Variants in GNAQ observed in about 807,000 individuals in gnomAD.
GNAQ encodes guanine nucleotide-binding protein G(q) subunit alpha.
A neutral mutation model predicts 43.9 loss-of-function variants in GNAQ; 8 were observed. The observed-to-expected ratio is 0.18, with a 90% CI of 0.11 to 0.33. The LOEUF (loss-of-function observed/expected upper bound fraction) is 0.33. GNAQ is among the 10% of genes least tolerant of loss of function. GNAQ has a pLI of 1.00. For missense variants in GNAQ, 158 were observed against 450.8 expected, an observed-to-expected ratio of 0.35 and a Z score of 5.88; for synonymous variants, 155 against 170.7, an observed-to-expected ratio of 0.91 and a Z score of 0.71.
intron 2 of GNAQ, among the ~76,000 whole-genome samples, chr9:77,914,517 A>T (rs998036861): frequency 1.3e-5 from 2 of 151,938 alleles, no homozygotes; most frequent in African/African-American, 4.8e-5. Context: ...AAAAAATTAG[A>T]CAGGCATGGT....
rs141924844 is a variant in GNAQ, at chr9:77,718,594, T to C, written c.*2729A>G. The C allele has an allele frequency of 1.6e-3, 373 of 232,940 alleles. 5 individuals are homozygous for C. The highest frequency in any genetic ancestry group is 6.5e-3 in the African/African-American group (294 of 45,448). The allele number at this position is 232,940 out of a possible 1,614,324, so 14.4% of individuals were successfully genotyped here. A position where few individuals can be genotyped will look rare whatever the true frequency, so the allele number is the denominator to read the frequency against. On this transcript the variant is annotated 3_prime_UTR_variant, in exon 7 of 7. Transcript: ENST00000286548. ...TGCTCAGCTTCTTCAAGCTTTGAGA[T>C]CAGGTTTAATTGACTACATTTACTA... is the stretch of plus-strand genomic sequence containing the variant.
intron 3 of GNAQ, among the ~76,000 whole-genome samples, chr9:77,810,729 A>T (rs1165395866): frequency 6.6e-6 from 1 of 152,196 alleles, no homozygotes; most frequent in African/African-American, 2.4e-5. Context: ...AATCACTTCT[A>T]TTATTTCATG....
At chr9:77,801,127 C>T (rs371087050) in intron 3 of GNAQ, among the ~76,000 whole-genome samples, 1 of 152,152 alleles carries the variant, frequency 6.6e-6, no homozygotes, top group South Asian at 2.1e-4. Context: ...TAGTAAAGCA[C>T]AGATGAGTGT....
intron 5 of GNAQ, among the ~76,000 whole-genome samples, chr9:77,765,936 A>C (rs1183303928): frequency 2.6e-5 from 4 of 152,254 alleles, no homozygotes; most frequent in Non-Finnish European, 2.9e-5. Flanking sequence ...TGCATGCTAC[A>C]TGAATAAATC....
chr9:77,763,217 T>G (rs1826082845), intron 5 of GNAQ, among the ~76,000 whole-genome samples: 1 of 150,534 alleles, frequency 6.6e-6, no homozygotes, highest in Admixed American at 6.6e-5. Context: ...AAGGATATGA[T>G]CTATAAAACA....
Position 77,718,669 on chromosome 9 carries a change from G to A in GNAQ, c.*2654C>T, listed in dbSNP as rs1825261001. ...GATTCCCTAAAACTGTAACACTTAT[G>A]ATCTTGTGATGAGGTTTTCTCTATA... On this transcript the variant is annotated 3_prime_UTR_variant, in exon 7 of 7. Coordinates refer to ENST00000286548, the MANE Select transcript of GNAQ (RefSeq NM_002072.5). 1 of 218,140 alleles carries A rather than the reference G, an allele frequency of 4.6e-6. No individual in the cohort carries two copies. Among genetic ancestry groups the A allele is most frequent in the African/African-American group, 2.3e-5 (1 of 43,616 alleles). 13.5% of individuals were successfully genotyped at this position (218,140 alleles called of 1,614,324 possible).
intron 5 of GNAQ, among the ~76,000 whole-genome samples, chr9:77,762,005 G>A (rs1826039436): frequency 1.4e-5 from 2 of 138,582 alleles, no homozygotes; most frequent in African/African-American, 2.7e-5. Context: ...GGGCGCCTCT[G>A]CCCGGCCGCC....
chr9:77,736,910 T>G (rs1294852784), intron 5 of GNAQ, among the ~76,000 whole-genome samples: 1 of 152,210 alleles, frequency 6.6e-6, no homozygotes. Context: ...CCTTTCAAAG[T>G]CTACTGCACA....
chr9:77,736,802 G>T (rs770448973), intron 5 of GNAQ, among the ~76,000 whole-genome samples: 1 of 152,036 alleles, frequency 6.6e-6, no homozygotes, highest in African/African-American at 2.4e-5. Flanking sequence ...AACCCTTTCC[G>T]ATGTGGAAGC....
intron 5 of GNAQ, among the ~76,000 whole-genome samples, chr9:77,737,244 G>GTAA (rs1192733604): frequency 6.6e-6 from 1 of 152,216 alleles, no homozygotes; most frequent in East Asian, 1.9e-4. Flanking sequence ...GCTCTCTGAT[G>GTAA]TAATGTCTGA....
intron 3 of GNAQ, among the ~76,000 whole-genome samples, chr9:77,798,916 AT>A (rs1047992691): frequency 2.6e-5 from 4 of 152,144 alleles, no homozygotes; most frequent in African/African-American, 9.7e-5. Flanking sequence ...ATATGTAGAG[AT>A]TTGTGTAATA....
At chr9:77,875,863 G>A (rs1165634569) in intron 2 of GNAQ, among the ~76,000 whole-genome samples, 1 of 152,150 alleles carries the variant, frequency 6.6e-6, no homozygotes, top group Non-Finnish European at 1.5e-5. Flanking sequence ...TTTTCAGTGG[G>A]AAAGTAGAGG....
chr9:77,797,758 G>A, intron 3 of GNAQ, 110 bp from the exon 4 acceptor site: 3 of 918,604 alleles, frequency 3.3e-6, no homozygotes, highest in South Asian at 1.7e-5. Context: ...AGAAGAGAAA[G>A]AAAAATATCA....
intron 1 of GNAQ, among the ~76,000 whole-genome samples, chr9:77,983,829 T>C (rs1282812995): frequency 6.6e-6 from 1 of 152,032 alleles, no homozygotes; most frequent in East Asian, 1.9e-4. Flanking sequence ...GGAGGACTCT[T>C]TCCTAGGAAG....
chr9:77,812,180 A>G (rs919712457), intron 3 of GNAQ, among the ~76,000 whole-genome samples: 1 of 152,240 alleles, frequency 6.6e-6, no homozygotes, highest in East Asian at 1.9e-4. Flanking sequence ...ACAAATCCCA[A>G]TGGAATTATT....
At chr9:77,775,096 A>C (rs1017139509) in intron 5 of GNAQ, among the ~76,000 whole-genome samples, 2 of 152,172 alleles carry the variant, frequency 1.3e-5, no homozygotes, top group African/African-American at 4.8e-5. Flanking sequence ...GTCCAATATT[A>C]ATTATACATC....
intron 2 of GNAQ, among the ~76,000 whole-genome samples, chr9:77,881,561 T>A (rs1828207494): frequency 1.3e-5 from 2 of 152,118 alleles, no homozygotes. Context: ...CTGTTCTTTG[T>A]AGAGACAGGG....
At chr9:78,015,226 C>T (rs1337591037) in intron 1 of GNAQ, among the ~76,000 whole-genome samples, 2 of 152,190 alleles carry the variant, frequency 1.3e-5, no homozygotes, top group East Asian at 1.9e-4. Flanking sequence ...CAATAACATG[C>T]TTTACAGGTT....
intron 1 of GNAQ, among the ~76,000 whole-genome samples, chr9:77,958,849 C>T (rs1338382751): frequency 6.6e-6 from 1 of 152,156 alleles, no homozygotes; most frequent in African/African-American, 2.4e-5. Context: ...AGACTGATTT[C>T]AACCCCAAAA....
Sources: gnomAD v4.1 joint callset for allele counts (sites outside exome capture counted in the v4.1 genomes callset) on GRCh38, gnomAD v4.1.1 for gene constraint, MANE v1.5 for transcripts, NCBI Gene and HGNC (gene_info 2026-07-23, HGNC 2026-07-21) for gene names.